TAFA2: variants seen among roughly 807,000 people sequenced by gnomAD.
TAFA2 encodes the protein TAFA chemokine like family member 2, also known as chemokine-like protein TAFA-2.
TAFA2 carries 7 observed loss-of-function variants against 18.8 expected under a neutral mutation model. The observed-to-expected ratio is 0.37, with a 90% CI of 0.21 to 0.70. TAFA2 has a LOEUF of 0.70. TAFA2 is among the 30% of genes least tolerant of loss of function. The pLI, the probability that TAFA2 is intolerant of heterozygous loss-of-function variation, is 0.53. For synonymous variants in TAFA2, 60 were observed against 54.2 expected (o/e 1.11, Z -0.47); for missense variants, 122 against 158.1 (o/e 0.77, Z 1.23).
At chr12:61,740,574 A>G (rs1868399598) in intron 4 of TAFA2, among the ~76,000 whole-genome samples, 1 of 152,022 alleles carries the variant, frequency 6.6e-6, no homozygotes, top group African/African-American at 2.4e-5. Flanking sequence ...AAGTGGCTTA[A>G]TAGGTACAAT....
intron 1 of TAFA2, among the ~76,000 whole-genome samples, chr12:62,147,783 C>A (rs978698506): frequency 2.8e-5 from 4 of 143,530 alleles, no homozygotes; most frequent in South Asian, 2.3e-4. Context: ...AGACAACCTA[C>A]AGAATGTGAA....
intron 1 of TAFA2, chr12:62,235,016 T>C (rs962636161): frequency 1.1e-5 from 7 of 641,506 alleles, no homozygotes; most frequent in Non-Finnish European, 2.1e-5. Flanking sequence ...GGTAAGGCAT[T>C]GTAGGGTCCC....
intron 1 of TAFA2, among the ~76,000 whole-genome samples, chr12:62,074,377 T>A (rs1055022963): frequency 6.6e-6 from 1 of 152,242 alleles, no homozygotes; most frequent in South Asian, 2.1e-4. Context: ...GAACATTTTT[T>A]AAAACCCTTC....
At chr12:62,156,387 A>C (rs10877803) in intron 1 of TAFA2, among the ~76,000 whole-genome samples, 144,761 of 152,200 alleles carry the variant, frequency 0.95, 69,265 homozygotes, top group Non-Finnish European at 1. Context: ...AACAGTGTGG[A>C]GATTTCTTAA....
chr12:61,785,319 T>TTGTGTGTGTGTGTGTGTG (rs57166010), intron 2 of TAFA2, among the ~76,000 whole-genome samples: 8 of 140,082 alleles, frequency 5.7e-5, no homozygotes, highest in African/African-American at 1.9e-4. Context: ...AATAGTATTC[T>TTGTGTGTGTGTGTGTGTG]TGTGTGTGTG....
chr12:61,918,136 C>G (rs1168769193), intron 1 of TAFA2, among the ~76,000 whole-genome samples: 1 of 152,068 alleles, frequency 6.6e-6, no homozygotes, highest in East Asian at 1.9e-4. Flanking sequence ...TCCATCACCT[C>G]AAGCATTTAT....
intron 1 of TAFA2, among the ~76,000 whole-genome samples, chr12:61,883,763 A>T (rs10877759): frequency 0.33 from 50,259 of 152,062 alleles, 11,608 homozygotes; most frequent in African/African-American, 0.66. Flanking sequence ...CACCCAAATC[A>T]GGTTCTATGA....
At chr12:62,205,938 A>T (rs1379394431) in intron 1 of TAFA2, among the ~76,000 whole-genome samples, 1 of 152,120 alleles carries the variant, frequency 6.6e-6, no homozygotes, top group Non-Finnish European at 1.5e-5. Context: ...GGGTAGCACA[A>T]TCACTCACTG....
chr12:61,960,328 A>T (rs918851224), intron 1 of TAFA2, among the ~76,000 whole-genome samples: 1 of 152,028 alleles, frequency 6.6e-6, no homozygotes, highest in East Asian at 1.9e-4. Flanking sequence ...AAATGGCATC[A>T]ATATATCACA....
intron 1 of TAFA2, among the ~76,000 whole-genome samples, chr12:61,951,340 G>A (rs1224643708): frequency 6.6e-6 from 1 of 152,094 alleles, no homozygotes; most frequent in Non-Finnish European, 1.5e-5. Flanking sequence ...AAACAAAATG[G>A]TTACAATAAA....
intron 1 of TAFA2, among the ~76,000 whole-genome samples, chr12:61,989,693 C>T (rs1395426699): frequency 1.3e-5 from 2 of 152,168 alleles, no homozygotes; most frequent in African/African-American, 4.8e-5. Flanking sequence ...ATCTGGCAAG[C>T]TTCCAATCAT....
chr12:61,766,051 C>T (rs904232166), intron 2 of TAFA2, among the ~76,000 whole-genome samples: 6 of 152,050 alleles, frequency 3.9e-5, no homozygotes, highest in Non-Finnish European at 7.4e-5. Flanking sequence ...CTCTTCCCTA[C>T]AACTTCACTT....
chr12:61,810,858 A>G (rs1177557431), intron 2 of TAFA2, among the ~76,000 whole-genome samples: 1 of 119,928 alleles, frequency 8.3e-6, no homozygotes, highest in African/African-American at 2.8e-5. Context: ...TGTGGAAGAA[A>G]AAAGAGTTCA....
At chr12:61,955,616 AAAAAAAAAAAAAAAAAATATATAT>A (rs1878634587) in intron 1 of TAFA2, among the ~76,000 whole-genome samples, 3 of 28,600 alleles carry the variant, frequency 1.0e-4, no homozygotes, top group Non-Finnish European at 1.6e-4. Flanking sequence ...AAAAAAAAAA[AAAAAAAAAAAAAAAAAATATATAT>A]ATATATATAT....
chr12:61,833,216 G>A (rs1211929150), intron 2 of TAFA2, among the ~76,000 whole-genome samples: 1 of 151,312 alleles, frequency 6.6e-6, no homozygotes, highest in Non-Finnish European at 1.5e-5. Context: ...TCATGAACCA[G>A]AACCATGAAT....
intron 2 of TAFA2, among the ~76,000 whole-genome samples, chr12:61,790,316 G>T (rs1000913912): frequency 6.6e-6 from 1 of 151,868 alleles, no homozygotes; most frequent in Non-Finnish European, 1.5e-5. Flanking sequence ...AACGAGAGAA[G>T]TGTGCTCATT....
At chr12:62,112,748 A>T (rs1869789265) in intron 1 of TAFA2, among the ~76,000 whole-genome samples, 1 of 151,870 alleles carries the variant, frequency 6.6e-6, no homozygotes, top group African/African-American at 2.4e-5. Context: ...TCAATCTCGT[A>T]TCTTTTCTTC....
intron 1 of TAFA2, among the ~76,000 whole-genome samples, chr12:62,127,100 T>C (rs1332382402): frequency 2.0e-5 from 3 of 152,136 alleles, no homozygotes; most frequent in African/African-American, 7.2e-5. Flanking sequence ...CATATATGTA[T>C]GTGCTAGTTT....
intron 1 of TAFA2, among the ~76,000 whole-genome samples, chr12:61,932,584 C>T (rs1877602609): frequency 6.6e-6 from 1 of 152,084 alleles, no homozygotes; most frequent in African/African-American, 2.4e-5. Context: ...GGATTACAGG[C>T]ACCCCCCTCC....
Sources: gnomAD v4.1 joint callset for allele counts (sites outside exome capture counted in the v4.1 genomes callset) on GRCh38, gnomAD v4.1.1 for gene constraint, MANE v1.5 for transcripts, NCBI Gene and HGNC (gene_info 2026-07-23, HGNC 2026-07-21) for gene names.